PLD5: variants seen among roughly 807,000 people sequenced by gnomAD.
PLD5 encodes inactive phospholipase D5.
A neutral mutation model predicts 61.1 loss-of-function variants in PLD5; 36 were observed. That is an observed-to-expected ratio of 0.59 (90% confidence interval 0.45 to 0.78). The LOEUF is 0.78. PLD5 is among the 30% of genes least tolerant of loss of function. The pLI, the probability that PLD5 is intolerant of heterozygous loss-of-function variation, is 0.00. For synonymous variants in PLD5, 243 were observed against 242.8 expected, an observed-to-expected ratio of 1.00 and a Z score of -0.01; for missense variants, 515 against 644.4, an observed-to-expected ratio of 0.80 and a Z score of 2.17.
chr1:242,417,044 G>A (rs1174347960), intron 1 of PLD5, among the ~76,000 whole-genome samples: 2 of 152,220 alleles, frequency 1.3e-5, no homozygotes, highest in African/African-American at 2.4e-5. Context: ...TCAGATGGCT[G>A]TAAGTGTAGC....
intron 6 of PLD5, among the ~76,000 whole-genome samples, chr1:242,119,343 T>G (rs1160708070): frequency 6.6e-6 from 1 of 152,134 alleles, no homozygotes; most frequent in African/African-American, 2.4e-5. Context: ...ATGAAAGAAA[T>G]AAAATATTGG....
intron 5 of PLD5, among the ~76,000 whole-genome samples, chr1:242,128,710 C>A (rs1328570346): frequency 6.6e-6 from 1 of 152,088 alleles, no homozygotes; most frequent in African/African-American, 2.4e-5. Context: ...CTCCTCCCTG[C>A]CCAGGGAGCA....
At chr1:242,480,049 C>CAAA (rs1224139428) in intron 1 of PLD5, among the ~76,000 whole-genome samples, 1 of 125,354 alleles carries the variant, frequency 8.0e-6, no homozygotes, top group African/African-American at 2.7e-5. Context: ...GACTCTGTCT[C>CAAA]AGAAAAAAAA....
At chr1:242,199,851 CT>C (rs1000686912) in intron 5 of PLD5, among the ~76,000 whole-genome samples, 7 of 152,072 alleles carry the variant, frequency 4.6e-5, no homozygotes, top group Admixed American at 6.6e-5. Context: ...TGATTTCATT[CT>C]TTTTTTTCAC....
chr1:242,161,655 C>T (rs1665838777), intron 5 of PLD5, among the ~76,000 whole-genome samples: 2 of 152,122 alleles, frequency 1.3e-5, no homozygotes, highest in Non-Finnish European at 2.9e-5. Context: ...AATTGATGCA[C>T]ACACAGTCAC....
chr1:242,260,123 C>CA (rs1202717941), intron 4 of PLD5, among the ~76,000 whole-genome samples: 2 of 152,042 alleles, frequency 1.3e-5, no homozygotes, highest in Non-Finnish European at 2.9e-5. Context: ...CCAAAGTGGG[C>CA]AGATCATGAG....
intron 5 of PLD5, chr1:242,178,384 C>T (rs1426269165): frequency 6.6e-6 from 1 of 152,182 alleles, no homozygotes; most frequent in South Asian, 2.1e-4. Context: ...CAGCACAATG[C>T]ACTTGCATTG....
At chr1:242,341,036 G>A (rs1659803280) in intron 2 of PLD5, among the ~76,000 whole-genome samples, 1 of 151,996 alleles carries the variant, frequency 6.6e-6, no homozygotes, top group African/African-American at 2.4e-5. Context: ...AGGAACCAGG[G>A]CTCATTTGAA....
At chr1:242,444,834 T>C (rs1358657134) in intron 1 of PLD5, among the ~76,000 whole-genome samples, 1 of 150,674 alleles carries the variant, frequency 6.6e-6, no homozygotes, top group African/African-American at 2.4e-5. Context: ...GAACAGGCCA[T>C]AGGACTCATC....
intron 5 of PLD5, among the ~76,000 whole-genome samples, chr1:242,175,626 G>T (rs904251683): frequency 2.6e-5 from 4 of 152,272 alleles, no homozygotes; most frequent in Non-Finnish European, 5.9e-5. Flanking sequence ...AAGAAATAAA[G>T]CGTATTCAAA....
At chr1:242,106,086 C>T (rs4658618) in intron 8 of PLD5, among the ~76,000 whole-genome samples, 32,383 of 152,090 alleles carry the variant, frequency 0.21, 3,626 homozygotes, top group South Asian at 0.29. Flanking sequence ...CAGTACCTGC[C>T]CAGAAGAGTT....
At chr1:242,491,996 G>A (rs931612587) in intron 1 of PLD5, among the ~76,000 whole-genome samples, 1 of 152,090 alleles carries the variant, frequency 6.6e-6, no homozygotes, top group African/African-American at 2.4e-5. Flanking sequence ...CATCTCTTTG[G>A]CTAGTCACAA....
chr1:242,312,589 C>T (rs926109964), intron 2 of PLD5, among the ~76,000 whole-genome samples: 1 of 152,192 alleles, frequency 6.6e-6, no homozygotes, highest in Non-Finnish European at 1.5e-5. Context: ...TGCTTCTTCT[C>T]CTATCTTCCT....
At chr1:242,233,742 G>A (rs1227629732) in intron 4 of PLD5, among the ~76,000 whole-genome samples, 1 of 152,130 alleles carries the variant, frequency 6.6e-6, no homozygotes, top group Non-Finnish European at 1.5e-5. Flanking sequence ...AAATAAGACT[G>A]ACTAAGTGAA....
At chr1:242,118,318 A>G (rs2148716654) in intron 6 of PLD5, among the ~76,000 whole-genome samples, 1 of 152,308 alleles carries the variant, frequency 6.6e-6, no homozygotes, top group Non-Finnish European at 1.5e-5. Flanking sequence ...GCTGGGTTCC[A>G]TGCCCCTCTT....
At chr1:242,489,719 G>A (rs920055898) in intron 1 of PLD5, among the ~76,000 whole-genome samples, 21 of 152,278 alleles carry the variant, frequency 1.4e-4, no homozygotes, top group Middle Eastern at 3.4e-3. Flanking sequence ...AGGAATCCTC[G>A]TTCATTGTGG....
intron 5 of PLD5, among the ~76,000 whole-genome samples, chr1:242,187,769 TGA>T (rs1458305227): frequency 1.3e-5 from 2 of 152,142 alleles, no homozygotes; most frequent in African/African-American, 4.8e-5. Context: ...CCAGGCAGTA[TGA>T]GAGGGGAAAG....
chr1:242,211,649 G>A (rs1293285096), intron 5 of PLD5, among the ~76,000 whole-genome samples: 2 of 152,132 alleles, frequency 1.3e-5, no homozygotes, highest in Non-Finnish European at 2.9e-5. Context: ...TGCAGCTGAG[G>A]TCTGTAGGAC....
Position 242,087,960 on chromosome 1 carries a change from T to A in PLD5, c.*1894A>T, listed in dbSNP as rs1659548624. The stretch of plus-strand genomic sequence containing the variant: ...TACAGCTTCCTTCCAGCTCTCTTGA[T>A]CAACTGGTTAAATATCTAGTGAAGC... On this transcript the variant is annotated 3_prime_UTR_variant, in exon 10 of 10. Coordinates refer to ENST00000536534, the MANE Select transcript of PLD5 (RefSeq NM_001372062.1). 6.6e-6 allele frequency: 1 copy of A among 152,190 alleles called. No individual in the cohort carries two copies. The highest frequency in any genetic ancestry group is 1.5e-5 in the Non-Finnish European group (1 of 68,034). 9.4% of individuals were successfully genotyped at this position (152,190 alleles called of 1,614,324 possible).
Sources: gnomAD v4.1 joint callset for allele counts (sites outside exome capture counted in the v4.1 genomes callset) on GRCh38, gnomAD v4.1.1 for gene constraint, MANE v1.5 for transcripts, NCBI Gene and HGNC (gene_info 2026-07-23, HGNC 2026-07-21) for gene names.